Variants in PRELID2 observed in about 807,000 individuals in gnomAD.
PRELID2 encodes PRELI domain-containing protein 2.
PRELID2 carries 25 observed loss-of-function variants against 28.4 expected under a neutral mutation model. The ratio of observed to expected loss-of-function variants is 0.88; its 90% CI spans 0.64 to 1.23. The LOEUF (loss-of-function observed/expected upper bound fraction) is 1.23, where lower values mean the gene tolerates loss of function less well. Among genes scored for constraint, PRELID2 ranks in the 50% most tolerant of loss-of-function variants. The pLI, the probability that PRELID2 is intolerant of heterozygous loss-of-function variation, is 0.00. For missense variants in PRELID2, 201 were observed against 214.4 expected, an observed-to-expected ratio of 0.94 and a Z score of 0.39; for synonymous variants, 76 against 71.6, an observed-to-expected ratio of 1.06 and a Z score of -0.31.
the PRELID2 span, among the ~76,000 whole-genome samples, chr5:145,392,919 T>C: frequency 6.6e-6 from 1 of 152,184 alleles, no homozygotes; most frequent in Non-Finnish European, 1.5e-5. Context: ...CTCTATTTTG[T>C]CCTCAAACAC....
At chr5:145,323,179 G>GAA in the PRELID2 span, among the ~76,000 whole-genome samples, 3 of 143,356 alleles carry the variant, frequency 2.1e-5, no homozygotes, top group African/African-American at 7.7e-5. Context: ...CAGCAGAGGG[G>GAA]AAAAAAAAAA....
At chr5:145,615,386 C>T (rs1374269355) in intron 1 of PRELID2, among the ~76,000 whole-genome samples, 2 of 116,662 alleles carry the variant, frequency 1.7e-5, no homozygotes, top group Non-Finnish European at 3.3e-5. Flanking sequence ...AGTGCAGTGG[C>T]GCAATCTCGG....
chr5:145,574,208 C>T (rs1458801286), intron 1 of PRELID2, among the ~76,000 whole-genome samples: 1 of 152,074 alleles, frequency 6.6e-6, no homozygotes, highest in African/African-American at 2.4e-5. Flanking sequence ...GGAAAAGAGC[C>T]ATGAATCAAG....
chr5:145,625,185 T>C (rs1015550326), intron 1 of PRELID2, among the ~76,000 whole-genome samples: 4 of 152,162 alleles, frequency 2.6e-5, no homozygotes, highest in Non-Finnish European at 4.4e-5. Context: ...ATGAACTTTC[T>C]CATATTTTTA....
At chr5:145,754,787 G>A (rs1757213652), downstream of PRELID2, among the ~76,000 whole-genome samples, 3 of 152,294 alleles carry the variant, frequency 2.0e-5, no homozygotes, top group South Asian at 6.2e-4. Context: ...AGATGATGCT[G>A]AAGATGAACC....
chr5:145,268,871 A>G, the PRELID2 span, among the ~76,000 whole-genome samples: 1 of 152,104 alleles, frequency 6.6e-6, no homozygotes, highest in Non-Finnish European at 1.5e-5. Flanking sequence ...ATAAAAATCA[A>G]TTTATTTCTT....
chr5:145,713,350 T>TTATATTTATATATATATATA (rs367981938), intron 1 of PRELID2, among the ~76,000 whole-genome samples: 9 of 124,714 alleles, frequency 7.2e-5, no homozygotes, highest in African/African-American at 2.5e-4. Flanking sequence ...ATATCTGACT[T>TTATATTTATATATATATATA]TATATATATA....
the PRELID2 span, among the ~76,000 whole-genome samples, chr5:145,270,209 A>G: frequency 1.3e-5 from 2 of 152,038 alleles, no homozygotes; most frequent in African/African-American, 4.8e-5. Flanking sequence ...GTAAACATGT[A>G]TCTACATTTT....
intron 5 of PRELID2, among the ~76,000 whole-genome samples, chr5:145,777,644 A>G (rs1050659949): frequency 6.6e-6 from 1 of 152,170 alleles, no homozygotes; most frequent in Non-Finnish European, 1.5e-5. Flanking sequence ...AGCTGGCAGG[A>G]GCCCAGGGGC....
intron 1 of PRELID2, among the ~76,000 whole-genome samples, chr5:145,545,705 T>C (rs1394739090): frequency 6.6e-6 from 1 of 152,190 alleles, no homozygotes; most frequent in Non-Finnish European, 1.5e-5. Context: ...CTGTCCAATG[T>C]GCTTTATTGC....
chr5:145,289,708 C>T, the PRELID2 span, among the ~76,000 whole-genome samples: 1 of 152,170 alleles, frequency 6.6e-6, no homozygotes, highest in Non-Finnish European at 1.5e-5. Flanking sequence ...CATTTTGCAT[C>T]TGCACCAGTA....
intron 1 of PRELID2, among the ~76,000 whole-genome samples, chr5:145,663,582 A>T (rs932609748): frequency 2.0e-5 from 3 of 152,272 alleles, no homozygotes; most frequent in Non-Finnish European, 4.4e-5. Flanking sequence ...AACTACTTTT[A>T]AAAAGTATTT....
chr5:145,238,424 G>T, the PRELID2 span, among the ~76,000 whole-genome samples: 11 of 152,012 alleles, frequency 7.2e-5, no homozygotes, highest in Non-Finnish European at 1.3e-4. Context: ...ATTTCAGGAC[G>T]TTCTATGACT....
At chr5:145,253,251 C>G in the PRELID2 span, among the ~76,000 whole-genome samples, 2 of 152,072 alleles carry the variant, frequency 1.3e-5, no homozygotes, top group African/African-American at 4.8e-5. Flanking sequence ...GAGGTAGAAC[C>G]TGTGGTTGAC....
chr5:145,397,976 A>G, the PRELID2 span, among the ~76,000 whole-genome samples: 1 of 152,158 alleles, frequency 6.6e-6, no homozygotes, highest in Non-Finnish European at 1.5e-5. Flanking sequence ...GGCTGGTGAA[A>G]TAATTTAATG....
At chr5:145,718,876 A>G (rs1427124128) in intron 1 of PRELID2, among the ~76,000 whole-genome samples, 1 of 152,078 alleles carries the variant, frequency 6.6e-6, no homozygotes. Flanking sequence ...TAAGTGTAAG[A>G]TGTGAGGGTA....
At chr5:145,508,076 T>C (rs977129228) in intron 1 of PRELID2, among the ~76,000 whole-genome samples, 2 of 152,208 alleles carry the variant, frequency 1.3e-5, no homozygotes, top group Non-Finnish European at 2.9e-5. Context: ...TTTAGTAGTT[T>C]AATAATGCTT....
At chr5:145,424,126 T>A in the PRELID2 span, among the ~76,000 whole-genome samples, 3 of 148,564 alleles carry the variant, frequency 2.0e-5, no homozygotes, top group Admixed American at 6.7e-5. Context: ...GGGAGAACCA[T>A]TGCTCTCTTC....
At chr5:145,412,314 T>C in the PRELID2 span, among the ~76,000 whole-genome samples, 1 of 152,204 alleles carries the variant, frequency 6.6e-6, no homozygotes, top group Non-Finnish European at 1.5e-5. Flanking sequence ...TTTTACCAGA[T>C]ACCCTAAATC....
Sources: allele counts gnomAD v4.1 joint callset (sites outside exome capture counted in the v4.1 genomes callset), GRCh38; gene constraint gnomAD v4.1.1; transcripts MANE v1.5; gene names NCBI Gene and HGNC (gene_info 2026-07-23, HGNC 2026-07-21).